KCNB2: variants seen among roughly 807,000 people sequenced by gnomAD.
KCNB2 encodes delayed rectifier potassium channel protein.
Under a neutral mutation model 61.5 loss-of-function variants are expected in KCNB2, and 15 were observed. That is an observed-to-expected ratio of 0.24 (90% CI 0.16 to 0.38). The LOEUF is 0.38. Ranked by LOEUF, KCNB2 falls within the 10% of genes least tolerant of loss-of-function variation. The pLI, the probability that KCNB2 is intolerant of heterozygous loss-of-function variation, is 1.00. For missense variants in KCNB2, 828 were observed against 1,125.2 expected (o/e 0.74, Z 3.78); for synonymous variants, 457 against 446.0 (o/e 1.02, Z -0.31).
intron 2 of KCNB2, among the ~76,000 whole-genome samples, chr8:72,859,163 CT>C (rs1810254276): frequency 6.6e-6 from 1 of 152,066 alleles, no homozygotes; most frequent in Non-Finnish European, 1.5e-5. Context: ...CTCTGGGCCC[CT>C]ATGAGGAAGA....
chr8:72,836,961 C>T (rs933145251), intron 2 of KCNB2, among the ~76,000 whole-genome samples: 2 of 152,138 alleles, frequency 1.3e-5, no homozygotes, highest in Non-Finnish European at 2.9e-5. Context: ...TCCTTTTGTG[C>T]AGGTACTTCA....
intron 2 of KCNB2, among the ~76,000 whole-genome samples, chr8:72,848,748 A>C (rs1316525994): frequency 1.3e-5 from 2 of 152,006 alleles, no homozygotes; most frequent in Non-Finnish European, 2.9e-5. Flanking sequence ...TCAATATTAA[A>C]TTCATTGATT....
At chr8:72,694,845 TTAA>T (rs1278334538) in intron 2 of KCNB2, among the ~76,000 whole-genome samples, 1 of 151,596 alleles carries the variant, frequency 6.6e-6, no homozygotes, top group Admixed American at 6.6e-5. Context: ...TAATAAATTA[TTAA>T]TAAAATAAAA....
At chr8:72,581,776 A>C (rs1806901981) in intron 2 of KCNB2, among the ~76,000 whole-genome samples, 1 of 152,200 alleles carries the variant, frequency 6.6e-6, no homozygotes, top group Non-Finnish European at 1.5e-5. Context: ...TCTGTATGCT[A>C]CAGGGTTTAT....
At chr8:72,829,588 A>G (rs1822065) in intron 2 of KCNB2, among the ~76,000 whole-genome samples, 79,221 of 151,982 alleles carry the variant, frequency 0.52, 21,249 homozygotes, top group Admixed American at 0.58. Flanking sequence ...TTACTACCTC[A>G]CAGATGGGGA....
intron 1 of KCNB2, among the ~76,000 whole-genome samples, chr8:72,547,690 T>C (rs1173636613): frequency 6.6e-6 from 1 of 152,236 alleles, no homozygotes; most frequent in Non-Finnish European, 1.5e-5. Flanking sequence ...TTGCTTCTTA[T>C]GAACGAGCAA....
At chr8:72,825,313 T>G (rs1161226819) in intron 2 of KCNB2, among the ~76,000 whole-genome samples, 2 of 152,250 alleles carry the variant, frequency 1.3e-5, no homozygotes, top group Non-Finnish European at 2.9e-5. Context: ...GCATTTGGGT[T>G]GCTTTCACCT....
chr8:72,832,727 A>G (rs952743826), intron 2 of KCNB2, among the ~76,000 whole-genome samples: 2 of 152,198 alleles, frequency 1.3e-5, no homozygotes, highest in African/African-American at 4.8e-5. Context: ...AATAGCAGTA[A>G]CCAGAGAATA....
intron 2 of KCNB2, among the ~76,000 whole-genome samples, chr8:72,655,959 CA>C (rs1160707465): frequency 6.6e-6 from 1 of 152,052 alleles, no homozygotes; most frequent in Non-Finnish European, 1.5e-5. Flanking sequence ...GAGACAATTT[CA>C]ATAGATGTGG....
At chr8:72,740,542 G>A (rs1315364350) in intron 2 of KCNB2, among the ~76,000 whole-genome samples, 1 of 152,286 alleles carries the variant, frequency 6.6e-6, no homozygotes, top group African/African-American at 2.4e-5. Flanking sequence ...TTCCCAAAGA[G>A]CAAGTTCTCA....
rs796185612 is a variant in KCNB2, at chr8:72,720,494, C to A, written c.579+152181C>A. Among the ~76,000 whole-genome samples the A allele has an allele frequency of 2.4e-4, 37 of 152,192 alleles. 1 individual carries two copies. The highest frequency in any genetic ancestry group is 8.4e-4 in the African/African-American group (35 of 41,544). ...AAGCCCTTCATGGTCAAGTTTATCT[C>A]CTTGCAAAACTTTTCCCGACTCTCC... is the stretch of plus-strand genomic sequence containing the variant. On this transcript the variant is annotated intron_variant, in intron 2 of 2. Coordinates refer to ENST00000523207, the MANE Select transcript of KCNB2 (RefSeq NM_004770.3).
At chr8:72,627,988 C>G (rs929433601) in intron 2 of KCNB2, among the ~76,000 whole-genome samples, 2 of 151,764 alleles carry the variant, frequency 1.3e-5, no homozygotes, top group East Asian at 1.9e-4. Context: ...GAGTCTTGCT[C>G]TGTCACCCAG....
intron 2 of KCNB2, among the ~76,000 whole-genome samples, chr8:72,846,749 C>A (rs994357299): frequency 6.6e-6 from 1 of 151,964 alleles, no homozygotes; most frequent in Non-Finnish European, 1.5e-5. Context: ...ATTAAAAAGT[C>A]AAGAAACAAC....
chr8:72,775,987 A>T (rs1437223855), intron 2 of KCNB2, among the ~76,000 whole-genome samples: 1 of 152,168 alleles, frequency 6.6e-6, no homozygotes, highest in African/African-American at 2.4e-5. Flanking sequence ...AATAGCAAAG[A>T]CTTGGAACCA....
chr8:72,895,846 A>G (rs565686124), intron 2 of KCNB2, among the ~76,000 whole-genome samples: 1 of 152,324 alleles, frequency 6.6e-6, no homozygotes, highest in South Asian at 2.1e-4. Flanking sequence ...TACAGGGTAC[A>G]GGGATGTTTT....
chr8:72,548,311 T>C (rs1806290815), intron 1 of KCNB2, among the ~76,000 whole-genome samples: 1 of 152,186 alleles, frequency 6.6e-6, no homozygotes, highest in South Asian at 2.1e-4. Context: ...TGATTGCCTT[T>C]AAAATTTCCA....
chr8:72,609,820 C>T (rs868842279), intron 2 of KCNB2, among the ~76,000 whole-genome samples: 8 of 152,196 alleles, frequency 5.3e-5, no homozygotes, highest in East Asian at 1.9e-4. Context: ...AGTCCCCAGT[C>T]GAATAAAGCA....
intron 2 of KCNB2, among the ~76,000 whole-genome samples, chr8:72,822,454 T>C (rs1010416605): frequency 6.6e-6 from 1 of 152,188 alleles, no homozygotes; most frequent in South Asian, 2.1e-4. Context: ...GGCTCTACGC[T>C]TAAGTGTTGA....
At chr8:72,883,993 G>T (rs949161273) in intron 2 of KCNB2, among the ~76,000 whole-genome samples, 1 of 152,064 alleles carries the variant, frequency 6.6e-6, no homozygotes, top group Non-Finnish European at 1.5e-5. Context: ...TTATTTTGTT[G>T]CCAATTCTTC....
Sources: allele counts gnomAD v4.1 joint callset (sites outside exome capture counted in the v4.1 genomes callset), GRCh38; gene constraint gnomAD v4.1.1; transcripts MANE v1.5; gene names NCBI Gene and HGNC (gene_info 2026-07-23, HGNC 2026-07-21).